The following LAMA2 variants were observed in gnomAD, a reference collection of about 807,000 sequenced individuals.
LAMA2 encodes laminin subunit alpha-2.
In LAMA2, 269 loss-of-function variants were observed where a neutral mutation model predicts 364.8. The ratio of observed to expected loss-of-function variants is 0.74; its 90% CI spans 0.67 to 0.82. The LOEUF (loss-of-function observed/expected upper bound fraction) is 0.82, where lower values mean the gene tolerates loss of function less well. LAMA2 is among the 40% of genes least tolerant of loss of function. The pLI, the probability that LAMA2 is intolerant of heterozygous loss-of-function variation, is 0.00. For synonymous variants in LAMA2, 1,379 were observed against 1,370.6 expected, an observed-to-expected ratio of 1.01 and a Z score of -0.14; for missense variants, 3,807 against 3,873.2, an observed-to-expected ratio of 0.98 and a Z score of 0.45.
At position 128,970,179 on chromosome 6, in the gene LAMA2, T is replaced by G. The variant is rs981210879; in HGVS notation, c.113-79739T>G. Among the ~76,000 whole-genome samples the G allele has an allele frequency of 6.6e-5, 10 of 152,228 alleles. 2 individuals are homozygous for G. The South Asian group carries it at 1.0e-3, about 16-fold the overall frequency. On this transcript the variant is annotated intron_variant, in intron 1 of 64. Coordinates refer to ENST00000421865, the MANE Select transcript of LAMA2 (RefSeq NM_000426.4). The stretch of plus-strand genomic sequence containing the variant: ...TCTTATAAAAATTGAAATTATCTTC[T>G]GAACTCTAAGTCATATTTTAGCCAC...
intron 3 of LAMA2, among the ~76,000 whole-genome samples, chr6:129,081,178 G>A (rs1288202334): frequency 3.3e-5 from 5 of 151,496 alleles, no homozygotes; most frequent in African/African-American, 1.2e-4. Context: ...TCACTCATAG[G>A]TGGGAAACGA....
At chr6:128,926,866 A>T (rs1056867883) in intron 1 of LAMA2, among the ~76,000 whole-genome samples, 66 of 152,226 alleles carry the variant, frequency 4.3e-4, no homozygotes, top group Admixed American at 3.7e-3. Context: ...AACATTGTGA[A>T]ACAAATTCCA....
intron 3 of LAMA2, among the ~76,000 whole-genome samples, chr6:129,085,432 T>C (rs9321151): frequency 0.21 from 31,487 of 152,166 alleles, 4,665 homozygotes; most frequent in African/African-American, 0.42. Context: ...GTTAGAAATC[T>C]GTTCTCATGT....
chr6:129,245,186 C>T (rs967828022), intron 12 of LAMA2, among the ~76,000 whole-genome samples: 1 of 152,044 alleles, frequency 6.6e-6, no homozygotes, highest in Admixed American at 6.6e-5. Context: ...CTTTGGAGAC[C>T]CTTATGAAAT....
chr6:129,249,693 T>G (rs3816666), intron 12 of LAMA2, among the ~76,000 whole-genome samples: 24,825 of 152,146 alleles, frequency 0.16, 2,234 homozygotes, highest in South Asian at 0.23. Context: ...ATGTCTTTGT[T>G]GAAAGAATCC....
At chr6:128,963,596 C>G (rs187027885) in intron 1 of LAMA2, among the ~76,000 whole-genome samples, 99 of 152,192 alleles carry the variant, frequency 6.5e-4, no homozygotes, top group African/African-American at 2.3e-3. Context: ...AAAAGAACCT[C>G]AGCAAAACCT....
chr6:129,067,911 G>A (rs1026446388), intron 3 of LAMA2, among the ~76,000 whole-genome samples: 1 of 152,132 alleles, frequency 6.6e-6, no homozygotes, highest in African/African-American at 2.4e-5. Context: ...TAAAATTGCA[G>A]CTCCCAGCCT....
chr6:128,937,870 G>A (rs1033128718), intron 1 of LAMA2, among the ~76,000 whole-genome samples: 1 of 150,706 alleles, frequency 6.6e-6, no homozygotes, highest in Non-Finnish European at 1.5e-5. Flanking sequence ...GAGGTATAAA[G>A]TTAAGTTGTT....
At chr6:128,922,084 C>A (rs1433401524) in intron 1 of LAMA2, among the ~76,000 whole-genome samples, 1 of 152,160 alleles carries the variant, frequency 6.6e-6, no homozygotes, top group African/African-American at 2.4e-5. Context: ...ATATGTGCCA[C>A]ATTTTCTTAA....
intron 17 of LAMA2, among the ~76,000 whole-genome samples, chr6:129,273,264 G>C (rs959123343): frequency 3.3e-5 from 5 of 152,150 alleles, no homozygotes; most frequent in Non-Finnish European, 5.9e-5. Context: ...TGCCATGGCT[G>C]AATGGCATTC....
At chr6:128,898,034 G>A (rs1776874767) in intron 1 of LAMA2, among the ~76,000 whole-genome samples, 1 of 152,202 alleles carries the variant, frequency 6.6e-6, no homozygotes, top group Non-Finnish European at 1.5e-5. Flanking sequence ...TCACCTTTAA[G>A]AGAATGAAAA....
intron 4 of LAMA2, among the ~76,000 whole-genome samples, chr6:129,132,973 T>G (rs916649990): frequency 7.9e-5 from 12 of 152,170 alleles, no homozygotes; most frequent in Non-Finnish European, 1.3e-4. Flanking sequence ...ACAAATTTGA[T>G]CTTAAACTAT....
intron 16 of LAMA2, among the ~76,000 whole-genome samples, chr6:129,269,565 G>T (rs1787777832): frequency 6.6e-6 from 1 of 151,970 alleles, no homozygotes; most frequent in Non-Finnish European, 1.5e-5. Flanking sequence ...TCAGTTGAAT[G>T]TTAGAAATAC....
At chr6:129,382,741 C>T (rs1419228124) in intron 34 of LAMA2, among the ~76,000 whole-genome samples, 1 of 152,180 alleles carries the variant, frequency 6.6e-6, no homozygotes, top group Non-Finnish European at 1.5e-5. Context: ...TGCTGCACTC[C>T]ACACACTTTT....
intron 22 of LAMA2, among the ~76,000 whole-genome samples, chr6:129,307,936 C>T (rs927475006): frequency 1.3e-5 from 2 of 152,086 alleles, no homozygotes; most frequent in African/African-American, 4.8e-5. Context: ...ATAGCAGTAC[C>T]CTATAGAGAT....
chr6:129,348,709 C>G (rs1776697007), intron 30 of LAMA2, among the ~76,000 whole-genome samples: 1 of 152,058 alleles, frequency 6.6e-6, no homozygotes, highest in Non-Finnish European at 1.5e-5. Flanking sequence ...AAAGCTTTCC[C>G]TTTCCTCACA....
rs1211665222 is a variant in LAMA2 at position 129,427,954 on chromosome 6, T to C, written c.5968+100T>C. On this transcript the variant is annotated intron_variant, in intron 41 of 64. Coordinates refer to ENST00000421865, the MANE Select transcript of LAMA2 (RefSeq NM_000426.4). Reference sequence around the variant, plus strand: ...GGAGAATGTAATTTCTTTAGCATGATTTTTGTGATGATTCTATAATCTATT... The same window carrying C: ...GGAGAATGTAATTTCTTTAGCATGACTTTTGTGATGATTCTATAATCTATT... 10 of 815,328 alleles carry C rather than the reference T, an allele frequency of 1.2e-5. No individual in the cohort carries two copies. In the African/African-American group the frequency reaches 1.4e-4, roughly 11 times the overall value. 50.5% of individuals were successfully genotyped at this position (815,328 alleles called of 1,614,324 possible).
At chr6:129,112,732 G>GA (rs201848617) in intron 4 of LAMA2, among the ~76,000 whole-genome samples, 9,945 of 147,206 alleles carry the variant, frequency 0.068, 363 homozygotes, top group East Asian at 0.15. Context: ...GAGAGAGAGA[G>GA]AAAAAAAAAA....
chr6:129,259,610 T>C (rs1279022228), intron 14 of LAMA2, among the ~76,000 whole-genome samples: 4 of 152,110 alleles, frequency 2.6e-5, no homozygotes, highest in Non-Finnish European at 4.4e-5. Context: ...TGTTTTGTAG[T>C]AATTTTTATT....
Sources: gnomAD v4.1 joint callset for allele counts (sites outside exome capture counted in the v4.1 genomes callset) on GRCh38, gnomAD v4.1.1 for gene constraint, MANE v1.5 for transcripts, NCBI Gene and HGNC (gene_info 2026-07-23, HGNC 2026-07-21) for gene names.